Variants in HMCN1 observed in about 807,000 individuals in gnomAD.
HMCN1 encodes the protein hemicentin-1.
In HMCN1, 321 loss-of-function variants were observed where a neutral mutation model predicts 625.9. The observed-to-expected ratio is 0.51, with a 90% CI of 0.47 to 0.56. The LOEUF (loss-of-function observed/expected upper bound fraction) is 0.56. HMCN1 is among the 20% of genes least tolerant of loss of function. HMCN1 has a pLI of 0.00. For missense variants in HMCN1, 6,588 were observed against 6,887.3 expected (o/e 0.96, Z 1.54); for synonymous variants, 2,425 against 2,417.6 (o/e 1.00, Z -0.09).
At chr1:186,081,992 C>G (rs1659193930) in intron 56 of HMCN1, among the ~76,000 whole-genome samples, 1 of 152,056 alleles carries the variant, frequency 6.6e-6, no homozygotes, top group Non-Finnish European at 1.5e-5. Flanking sequence ...TTCAGTGTAT[C>G]CAACATAGGA....
chr1:186,069,586 G>A (rs1294753687), intron 50 of HMCN1, 77 bp from the exon 51 acceptor site: 3 of 867,848 alleles, frequency 3.5e-6, no homozygotes, highest in African/African-American at 1.6e-5. Flanking sequence ...ACAAGAAGAC[G>A]TAAACCCCTG....
chr1:185,862,029 C>G (rs1662905866), intron 2 of HMCN1, among the ~76,000 whole-genome samples: 1 of 152,028 alleles, frequency 6.6e-6, no homozygotes, highest in Non-Finnish European at 1.5e-5. Flanking sequence ...AGAAAGACTA[C>G]TTGAATGAAA....
chr1:185,992,998 G>C (rs913931976), intron 22 of HMCN1, among the ~76,000 whole-genome samples, 184 bp from the exon 23 acceptor site: 6 of 152,044 alleles, frequency 3.9e-5, no homozygotes, highest in Non-Finnish European at 8.8e-5. Flanking sequence ...ATGTTTGCAG[G>C]AAAATCATAC....
intron 69 of HMCN1, among the ~76,000 whole-genome samples, chr1:186,106,391 A>C (rs1660608499): frequency 6.6e-6 from 1 of 152,180 alleles, no homozygotes; most frequent in Admixed American, 6.5e-5. Context: ...TACATAACAT[A>C]ACTGTTTTGT....
At chr1:186,072,932 C>A (rs1658563582) in intron 52 of HMCN1, among the ~76,000 whole-genome samples, 1 of 152,188 alleles carries the variant, frequency 6.6e-6, no homozygotes, top group African/African-American at 2.4e-5. Flanking sequence ...GATTGCATTT[C>A]TTTCTGTACT....
chr1:186,178,859 C>A, intron 104 of HMCN1, 93 bp downstream of exon 104: 1 of 895,076 alleles, frequency 1.1e-6, no homozygotes, highest in Non-Finnish European at 1.9e-6. Context: ...GTGCAGTGAA[C>A]TACATCTGAT....
rs184921053 is a variant in HMCN1, at chr1:185,822,097, T to C, written c.269-23929T>C. Among the ~76,000 whole-genome samples, 115 of 152,120 alleles carry C rather than the reference T, an allele frequency of 7.6e-4. 1 individual carries two copies. The highest frequency in any genetic ancestry group is 4.2e-4 in the South Asian group (2 of 4,814). ...GGAGCACAGAGGATTCTTGGGGCAG[T>C]GAAATTACTCCATGTGGTAATATAA... On this transcript the variant is annotated intron_variant, in intron 1 of 106. Transcript: ENST00000271588.
chr1:186,147,115 A>G (rs1185817829), intron 93 of HMCN1, among the ~76,000 whole-genome samples: 1 of 151,946 alleles, frequency 6.6e-6, no homozygotes, highest in African/African-American at 2.4e-5. Flanking sequence ...GGCTTCCATT[A>G]CTCTCTACGC....
At chr1:186,152,192 G>A (rs1029011959) in intron 95 of HMCN1, among the ~76,000 whole-genome samples, 1 of 152,170 alleles carries the variant, frequency 6.6e-6, no homozygotes, top group Non-Finnish European at 1.5e-5. Flanking sequence ...AGGAGTATGG[G>A]TTAGCTATTC....
Position 186,053,571 on chromosome 1 carries a change from A to G in HMCN1, c.6701-254A>G, listed in dbSNP as rs549984032. 8.5e-5 allele frequency among the ~76,000 whole-genome samples: 13 copies of G among 152,170 alleles called. No individual in the cohort carries two copies. In the South Asian group the frequency reaches 2.3e-3, roughly 27 times the overall value. On this transcript the variant is annotated intron_variant, in intron 43 of 106. Coordinates refer to ENST00000271588, the MANE Select transcript of HMCN1 (RefSeq NM_031935.3). Reference sequence around the variant, plus strand: ...AGTTTTCAATGTACATTAAGACTGAATTCTGCGTTTGACCAGATTTTCAAT... The same window carrying G: ...AGTTTTCAATGTACATTAAGACTGAGTTCTGCGTTTGACCAGATTTTCAAT...
At chr1:186,110,977 C>CCTTTTTTTTTTTTTTTTTTTTTTT (rs1660847379) in intron 71 of HMCN1, among the ~76,000 whole-genome samples, 1 of 61,648 alleles carries the variant, frequency 1.6e-5, no homozygotes, top group African/African-American at 9.8e-5. Context: ...AGAGAAAATT[C>CCTTTTTTTTTTTTTTTTTTTTTTT]TTTTTTTTTT....
intron 105 of HMCN1, among the ~76,000 whole-genome samples, chr1:186,186,359 T>A (rs1484359543): frequency 2.0e-5 from 3 of 152,122 alleles, no homozygotes; most frequent in African/African-American, 7.2e-5. Flanking sequence ...AAACCTCCTC[T>A]CTACTAAAAA....
At chr1:186,020,186 C>A (rs909416332) in intron 35 of HMCN1, among the ~76,000 whole-genome samples, 3 of 151,592 alleles carry the variant, frequency 2.0e-5, no homozygotes, top group South Asian at 2.1e-4. Context: ...TGAGTATAGT[C>A]CCTGGCATAT....
At chr1:186,052,488 A>G (rs12566113) in intron 42 of HMCN1, among the ~76,000 whole-genome samples, 92,999 of 151,814 alleles carry the variant, frequency 0.61, 29,431 homozygotes, top group African/African-American at 0.78. Context: ...CTTTGTTTAG[A>G]TGAAACCCCT....
intron 105 of HMCN1, among the ~76,000 whole-genome samples, chr1:186,185,258 G>A (rs1653212130): frequency 6.6e-6 from 1 of 152,160 alleles, no homozygotes; most frequent in African/African-American, 2.4e-5. Context: ...TCATGTTTCT[G>A]CAAGAGTTCA....
intron 71 of HMCN1, among the ~76,000 whole-genome samples, chr1:186,112,564 T>G (rs2102468105): frequency 1.3e-5 from 2 of 152,324 alleles, no homozygotes; most frequent in East Asian, 3.9e-4. Flanking sequence ...TTGAGTCACC[T>G]GCCCATTCTT....
chr1:185,824,840 A>G (rs72733234), intron 1 of HMCN1, among the ~76,000 whole-genome samples: 6,748 of 152,190 alleles, frequency 0.044, 213 homozygotes, highest in South Asian at 0.072. Context: ...AAACTTTTTT[A>G]TTCCATCAGA....
intron 106 of HMCN1, among the ~76,000 whole-genome samples, 169 bp from the exon 107 acceptor site, chr1:186,189,343 T>A (rs974112417): frequency 1.3e-5 from 2 of 152,172 alleles, no homozygotes; most frequent in Non-Finnish European, 2.9e-5. Context: ...AGTCATCTGG[T>A]GTCTGGTTTG....
Position 186,144,636 on chromosome 1 carries a change from G to A in HMCN1, c.14199G>A (p.Gln4733=), listed in dbSNP as rs145425739. Reference sequence around the variant, plus strand: ...GGGGCTGCTCCGACCCTGTGCCCCAGTATGGAGGAAGGAAATGCGAAGGGA... The same window carrying A: ...GGGGCTGCTCCGACCCTGTGCCCCAATATGGAGGAAGGAAATGCGAAGGGA... ...RTRGCSDPVP[Q]YGGRKCEGSD... is the part of the protein sequence containing the mutation. The change falls in exon 91 of 107, where the codon CAG becomes CAA. Residue 4733 remains glutamine (Q), a synonymous_variant. Transcript: ENST00000271588. 7.3e-5 allele frequency: 118 copies of A among 1,614,024 alleles called. No homozygotes were observed. Among genetic ancestry groups the A allele is most frequent in the Non-Finnish European group, 9.7e-5 (115 of 1,180,014 alleles).
Sources: gnomAD v4.1 joint callset for allele counts (sites outside exome capture counted in the v4.1 genomes callset) on GRCh38, gnomAD v4.1.1 for gene constraint, MANE v1.5 for transcripts, NCBI Gene and HGNC (gene_info 2026-07-23, HGNC 2026-07-21) for gene names.